The following EPHA5 variants were observed in gnomAD, a reference collection of about 807,000 sequenced individuals.
EPHA5 encodes ephrin type-A receptor 5.
In EPHA5, 60 loss-of-function variants were observed where a neutral mutation model predicts 105.0. The ratio of observed to expected loss-of-function variants is 0.57; its 90% confidence interval spans 0.46 to 0.71. The LOEUF (loss-of-function observed/expected upper bound fraction) is 0.71, where lower values mean the gene tolerates loss of function less well. EPHA5 is among the 30% of genes least tolerant of loss of function. EPHA5 has a pLI of 0.00. For synonymous variants in EPHA5, 513 were observed against 449.1 expected (o/e 1.14, Z -1.80); for missense variants, 1,218 against 1,274.7 (o/e 0.96, Z 0.68).
rs573512663 is a variant in EPHA5, at chr4:65,507,460, T to A, written c.911-11917A>T. On this transcript the variant is annotated intron_variant, in intron 3 of 16. Transcript: ENST00000613740. ...TGAATCTATAAATTACCTTGGGCAG[T>A]ATGGCCATTTTCACGATATTGATGC... Among the ~76,000 whole-genome samples the A allele has an allele frequency of 2.0e-4, 31 of 152,308 alleles. No homozygotes were observed. The East Asian group carries it at 6.0e-3, about 29-fold the overall frequency.
chr4:65,408,038 AC>A (rs1722535837), intron 7 of EPHA5, among the ~76,000 whole-genome samples: 3 of 152,132 alleles, frequency 2.0e-5, no homozygotes, highest in Non-Finnish European at 4.4e-5. Context: ...TTAATTACTA[AC>A]TGTTTCACAT....
At chr4:65,562,969 C>A (rs1003157170) in intron 3 of EPHA5, among the ~76,000 whole-genome samples, 1 of 150,902 alleles carries the variant, frequency 6.6e-6, no homozygotes, top group African/African-American at 2.4e-5. Context: ...AGAGCAAGAC[C>A]CAGTCTCTTA....
intron 5 of EPHA5, among the ~76,000 whole-genome samples, chr4:65,474,837 A>T (rs1225005699): frequency 6.6e-6 from 1 of 152,226 alleles, no homozygotes; most frequent in South Asian, 2.1e-4. Context: ...TTATGTTAAT[A>T]TATCATTTAA....
chr4:65,641,668 C>T (rs1747681277), intron 2 of EPHA5, among the ~76,000 whole-genome samples: 1 of 151,942 alleles, frequency 6.6e-6, no homozygotes, highest in African/African-American at 2.4e-5. Context: ...ACACATTTTT[C>T]ACCCTCAAAT....
At chr4:65,450,289 A>G (rs914078641) in intron 5 of EPHA5, among the ~76,000 whole-genome samples, 1 of 152,218 alleles carries the variant, frequency 6.6e-6, no homozygotes, top group African/African-American at 2.4e-5. Context: ...GCATTTAAGC[A>G]AATGAGTGGA....
At chr4:65,626,999 G>T (rs1192546713) in intron 2 of EPHA5, among the ~76,000 whole-genome samples, 3 of 152,152 alleles carry the variant, frequency 2.0e-5, no homozygotes, top group African/African-American at 7.2e-5. Flanking sequence ...GAACATGCCT[G>T]ATCTGGCCAT....
chr4:65,638,599 T>A (rs1469006227), intron 2 of EPHA5, among the ~76,000 whole-genome samples: 1 of 151,926 alleles, frequency 6.6e-6, no homozygotes, highest in Non-Finnish European at 1.5e-5. Context: ...ATTAGCCGGG[T>A]GTGGTGGCAC....
At chr4:65,529,787 G>A (rs1560653784) in intron 3 of EPHA5, among the ~76,000 whole-genome samples, 1 of 152,002 alleles carries the variant, frequency 6.6e-6, no homozygotes, top group African/African-American at 2.4e-5. Context: ...CATTAAATTG[G>A]TATGATTGGA....
intron 2 of EPHA5, among the ~76,000 whole-genome samples, chr4:65,614,399 T>C (rs1312661271): frequency 6.6e-6 from 1 of 151,882 alleles, no homozygotes; most frequent in Non-Finnish European, 1.5e-5. Context: ...ATATCTTAGA[T>C]ATTATTTCAT....
chr4:65,442,226 T>A (rs1726086618), intron 5 of EPHA5, among the ~76,000 whole-genome samples: 1 of 151,988 alleles, frequency 6.6e-6, no homozygotes, highest in Non-Finnish European at 1.5e-5. Flanking sequence ...GAGGCTTCAG[T>A]GAGGTCATTA....
At chr4:65,394,171 T>C (rs1333647969) in intron 8 of EPHA5, among the ~76,000 whole-genome samples, 1 of 152,180 alleles carries the variant, frequency 6.6e-6, no homozygotes. Context: ...TAAAATTCAA[T>C]GTATTTTTTA....
At chr4:65,628,670 A>G (rs577439932) in intron 2 of EPHA5, among the ~76,000 whole-genome samples, 111 of 152,184 alleles carry the variant, frequency 7.3e-4, no homozygotes, top group Non-Finnish European at 1.4e-3. Flanking sequence ...ACAGCAAACT[A>G]GAGAAGTTTG....
chr4:65,558,105 G>T (rs1738639717), intron 3 of EPHA5, among the ~76,000 whole-genome samples: 1 of 152,054 alleles, frequency 6.6e-6, no homozygotes, highest in South Asian at 2.1e-4. Context: ...TCAAACTCCT[G>T]ACCTCAGGTG....
chr4:65,350,803 G>A (rs960475241), intron 13 of EPHA5, among the ~76,000 whole-genome samples: 3 of 151,954 alleles, frequency 2.0e-5, no homozygotes, highest in Admixed American at 2.0e-4. Flanking sequence ...CCATAGTGTA[G>A]ACGTAACAGT....
At chr4:65,481,856 A>G (rs1428819811) in intron 5 of EPHA5, among the ~76,000 whole-genome samples, 1 of 152,208 alleles carries the variant, frequency 6.6e-6, no homozygotes, top group East Asian at 1.9e-4. Flanking sequence ...TTAGGTGCTA[A>G]ATACTTCTTC....
chr4:65,581,532 A>T (rs766216129), intron 3 of EPHA5, among the ~76,000 whole-genome samples: 10 of 151,712 alleles, frequency 6.6e-5, no homozygotes, highest in South Asian at 2.1e-4. Context: ...GTCCTTATTT[A>T]TCAGTCTGGG....
At chr4:65,639,190 A>C (rs1193443954) in intron 2 of EPHA5, among the ~76,000 whole-genome samples, 6 of 152,234 alleles carry the variant, frequency 3.9e-5, no homozygotes, top group African/African-American at 1.4e-4. Flanking sequence ...AGGAAAATAA[A>C]GATGCAGTTT....
chr4:65,668,861 C>T (rs1750198476), intron 1 of EPHA5, among the ~76,000 whole-genome samples: 1 of 151,948 alleles, frequency 6.6e-6, no homozygotes, highest in South Asian at 2.1e-4. Flanking sequence ...ACCCCTCCTG[C>T]CGCGGCATCC....
chr4:65,413,153 G>A (rs1279364938), intron 7 of EPHA5, among the ~76,000 whole-genome samples: 1 of 151,920 alleles, frequency 6.6e-6, no homozygotes, highest in Admixed American at 6.6e-5. Context: ...AATATCACAT[G>A]TTCCTATTAA....
Sources: gnomAD v4.1 joint callset for allele counts (sites outside exome capture counted in the v4.1 genomes callset) on GRCh38, gnomAD v4.1.1 for gene constraint, MANE v1.5 for transcripts, NCBI Gene and HGNC (gene_info 2026-07-23, HGNC 2026-07-21) for gene names.